CRTC3: variants seen among roughly 807,000 people sequenced by gnomAD.
CRTC3 encodes CREB-regulated transcription coactivator 3.
In CRTC3, 26 loss-of-function variants were observed where a neutral mutation model predicts 74.5. The observed-to-expected ratio is 0.35, with a 90% confidence interval of 0.26 to 0.48. CRTC3 has a LOEUF of 0.48. Ranked by LOEUF, CRTC3 falls within the 20% of genes least tolerant of loss-of-function variation. The pLI, the probability that CRTC3 is intolerant of heterozygous loss-of-function variation, is 0.99. For missense variants in CRTC3, 760 were observed against 787.3 expected, an observed-to-expected ratio of 0.97 and a Z score of 0.41; for synonymous variants, 377 against 325.8, an observed-to-expected ratio of 1.16 and a Z score of -1.69.
Position 90,644,218 on chromosome 15 carries a change from G to A in CRTC3, c.*2078G>A. The A allele has an allele frequency of 8.7e-6, 2 of 228,966 alleles. No homozygotes were observed. Among genetic ancestry groups the A allele is most frequent in the Non-Finnish European group, 8.7e-6 (1 of 115,430 alleles). The allele number at this position is 228,966 out of a possible 1,614,324, so 14.2% of individuals were successfully genotyped here. On this transcript the variant is annotated 3_prime_UTR_variant, in exon 15 of 15. Transcript: ENST00000268184. ...TCCCTTTGTGCTCAAGATCTCAGAG[G>A]GGGTGGCTTTTTGTTAAAGAGCCTT...
At chr15:90,592,900 C>A (rs1596107759) in intron 2 of CRTC3, among the ~76,000 whole-genome samples, 1 of 152,136 alleles carries the variant, frequency 6.6e-6, no homozygotes, top group Non-Finnish European at 1.5e-5. Context: ...TGCCTGTAAT[C>A]CCAGCACTTT....
chr15:90,625,312 T>C (rs548104506), intron 9 of CRTC3, among the ~76,000 whole-genome samples: 132 of 152,346 alleles, frequency 8.7e-4, no homozygotes, highest in African/African-American at 3.1e-3. Flanking sequence ...GATGAATGAA[T>C]GGCAACATCT....
chr15:90,550,886 G>C (rs931006628), intron 2 of CRTC3, among the ~76,000 whole-genome samples: 1 of 152,034 alleles, frequency 6.6e-6, no homozygotes, highest in Admixed American at 6.6e-5. Context: ...TGCCCAGGGA[G>C]CACTCCTAAT....
chr15:90,626,053 G>GAT, intron 10 of CRTC3, 60 bp downstream of exon 10: 1 of 1,296,494 alleles, frequency 7.7e-7, no homozygotes, highest in Non-Finnish European at 1.1e-6. Context: ...CCCCACCCAT[G>GAT]TGGCCTGTTC....
chr15:90,593,092 G>A (rs541576937), intron 2 of CRTC3, among the ~76,000 whole-genome samples: 75 of 152,282 alleles, frequency 4.9e-4, no homozygotes, highest in Non-Finnish European at 7.1e-4. Context: ...GGCGGAGGTT[G>A]CAGTGAGCTG....
In CRTC3 at chr15:90,644,509, A is replaced by C. The variant is rs1321973059; in HGVS notation, c.*2369A>C. 8.6e-6 allele frequency: 2 copies of C among 232,428 alleles called. No homozygotes were observed. Among genetic ancestry groups the C allele is most frequent in the Non-Finnish European group, 1.7e-5 (2 of 117,624 alleles). 14.4% of individuals were successfully genotyped at this position (232,428 alleles called of 1,614,324 possible). ...CCCCAAGACCTACACAGTGAACCCTACTGCCCCAAAGGCGTTCTCCAGGTG... is the reference window on the plus strand; with the variant it reads ...CCCCAAGACCTACACAGTGAACCCTCCTGCCCCAAAGGCGTTCTCCAGGTG... On this transcript the variant is annotated 3_prime_UTR_variant, in exon 15 of 15. Coordinates refer to ENST00000268184, the MANE Select transcript of CRTC3 (RefSeq NM_022769.5).
intron 11 of CRTC3, chr15:90,634,925 T>C: frequency 6.3e-7 from 1 of 1,577,732 alleles, no homozygotes; most frequent in Non-Finnish European, 8.6e-7. Flanking sequence ...GCGTGAAAGT[T>C]GGAGATAAAG....
At chr15:90,632,665 TG>T (rs1969082754) in intron 11 of CRTC3, among the ~76,000 whole-genome samples, 1 of 152,230 alleles carries the variant, frequency 6.6e-6, no homozygotes, top group East Asian at 1.9e-4. Context: ...GGTGTAGTGG[TG>T]CGATCTCAAC....
At chr15:90,587,331 A>G (rs1240766332) in intron 2 of CRTC3, among the ~76,000 whole-genome samples, 4 of 151,924 alleles carry the variant, frequency 2.6e-5, no homozygotes, top group East Asian at 3.9e-4. Flanking sequence ...GAAATCCACA[A>G]CTCTGCTTCT....
chr15:90,541,531 A>G (rs1315744316), intron 2 of CRTC3, among the ~76,000 whole-genome samples: 1 of 152,156 alleles, frequency 6.6e-6, no homozygotes, highest in Non-Finnish European at 1.5e-5. Context: ...TTAGAGATCT[A>G]CCTTCATATA....
chr15:90,629,300 C>T lies in CRTC3; in HGVS notation c.1034C>T (p.Ser345Phe), dbSNP rs756862005. ...ATLNKTVLSS[S>F]LNNHPQTSVP... Reference sequence around the variant, plus strand: ...CTCAATAAGACTGTGCTTTCCTCTTCCTTAAATAACCACCCACAGACATCT... The same window carrying T: ...CTCAATAAGACTGTGCTTTCCTCTTTCTTAAATAACCACCCACAGACATCT... Residue 345 changes from serine to phenylalanine, a missense_variant, in exon 11 of 15, where the codon TCC (serine) becomes TTC (phenylalanine). Coordinates refer to ENST00000268184, the MANE Select transcript of CRTC3 (RefSeq NM_022769.5). 3 of 1,614,186 alleles carry T rather than the reference C, an allele frequency of 1.9e-6. No individual in the cohort carries two copies. The South Asian group carries it at 3.3e-5, about 18-fold the overall frequency.
At chr15:90,538,833 A>T (rs572874652) in intron 1 of CRTC3, among the ~76,000 whole-genome samples, 1 of 150,644 alleles carries the variant, frequency 6.6e-6, no homozygotes, top group Non-Finnish European at 1.5e-5. Flanking sequence ...GGGACAAAGG[A>T]AAAGAGCATG....
rs1260289452 is a variant in CRTC3, at chr15:90,644,047, C to T, written c.*1907C>T. On this transcript the variant is annotated 3_prime_UTR_variant, in exon 15 of 15. Transcript: ENST00000268184. Reference sequence around the variant, plus strand: ...TAACCCTCATGGGGTGCCCCTCCACCTTCCTCTGGAATCCAAGTATTCCTG... The same window carrying T: ...TAACCCTCATGGGGTGCCCCTCCACTTTCCTCTGGAATCCAAGTATTCCTG... 1.3e-5 allele frequency: 3 copies of T among 231,658 alleles called. No individual in the cohort carries two copies. The highest frequency in any genetic ancestry group is 2.6e-5 in the Non-Finnish European group (3 of 117,138). 14.4% of individuals were successfully genotyped at this position (231,658 alleles called of 1,614,324 possible). A position where few individuals can be genotyped will look rare whatever the true frequency, so the allele number is the denominator to read the frequency against.
chr15:90,629,902 T>G (rs1414221053), intron 11 of CRTC3, among the ~76,000 whole-genome samples: 1 of 152,146 alleles, frequency 6.6e-6, no homozygotes. Context: ...TTTTGATTTT[T>G]TTGTAGAGAC....
chr15:90,639,670 G>A (rs1392160267), intron 13 of CRTC3, among the ~76,000 whole-genome samples: 1 of 150,806 alleles, frequency 6.6e-6, no homozygotes, highest in South Asian at 2.1e-4. Flanking sequence ...GGCTAATCTT[G>A]AACTCCGGAC....
intron 2 of CRTC3, among the ~76,000 whole-genome samples, chr15:90,549,863 C>T (rs1966851507): frequency 2.0e-5 from 3 of 151,398 alleles, no homozygotes; most frequent in East Asian, 2.0e-4. Context: ...CCACCATGCC[C>T]GGCTCATTTT....
At chr15:90,588,606 C>CT (rs11397267) in intron 2 of CRTC3, among the ~76,000 whole-genome samples, 106,469 of 151,890 alleles carry the variant, frequency 0.7, 37,932 homozygotes, top group Non-Finnish European at 0.77. Context: ...GGCCAGTCAA[C>CT]TTTTTTTAGC....
intron 9 of CRTC3, among the ~76,000 whole-genome samples, chr15:90,622,233 A>C (rs1968675981): frequency 6.6e-6 from 1 of 152,082 alleles, no homozygotes; most frequent in African/African-American, 2.4e-5. Context: ...CTTTCCTTAG[A>C]TCAGTGGTGA....
chr15:90,630,755 C>CTT (rs1290271902), intron 11 of CRTC3, among the ~76,000 whole-genome samples: 3 of 37,492 alleles, frequency 8.0e-5, no homozygotes, highest in Admixed American at 2.3e-4. Flanking sequence ...ATTACAGCAT[C>CTT]ATTTTTTTTT....
Sources: allele counts gnomAD v4.1 joint callset (sites outside exome capture counted in the v4.1 genomes callset), GRCh38; gene constraint gnomAD v4.1.1; transcripts MANE v1.5; gene names NCBI Gene and HGNC (gene_info 2026-07-23, HGNC 2026-07-21).